Variants in NCALD observed in about 807,000 individuals in gnomAD.
The protein encoded by NCALD is neurocalcin-delta.
In NCALD, 10 loss-of-function variants were observed where a neutral mutation model predicts 18.6. That is an observed-to-expected ratio of 0.54 (90% CI 0.33 to 0.91). The LOEUF is 0.91. Among genes scored for constraint, NCALD ranks in the 40% least tolerant of loss-of-function variants. The pLI, the probability that NCALD is intolerant of heterozygous loss-of-function variation, is 0.03. For missense variants in NCALD, 184 were observed against 247.6 expected, an observed-to-expected ratio of 0.74 and a Z score of 1.72; for synonymous variants, 88 against 87.4, an observed-to-expected ratio of 1.01 and a Z score of -0.04.
At chr8:102,065,726 C>T (rs1823987864) in intron 1 of NCALD, among the ~76,000 whole-genome samples, 1 of 152,130 alleles carries the variant, frequency 6.6e-6, no homozygotes, top group African/African-American at 2.4e-5. Flanking sequence ...TACCTGTAAT[C>T]CCAGCACTTT....
At chr8:101,915,801 A>G (rs1817952139) in intron 3 of NCALD, 1 of 152,224 alleles carries the variant, frequency 6.6e-6, no homozygotes, top group South Asian at 2.1e-4. Flanking sequence ...TTTTAAATAT[A>G]CACTTACTTT....
At chr8:101,987,122 T>C (rs1461677656) in intron 2 of NCALD, among the ~76,000 whole-genome samples, 1 of 152,172 alleles carries the variant, frequency 6.6e-6, no homozygotes. Flanking sequence ...AGAGGATAAG[T>C]GATAAGCCCC....
At chr8:101,765,442 A>G (rs1309112801) in intron 1 of NCALD, among the ~76,000 whole-genome samples, 2 of 152,212 alleles carry the variant, frequency 1.3e-5, no homozygotes, top group Non-Finnish European at 2.9e-5. Flanking sequence ...AAACCCCGAC[A>G]TGTGCAAAAA....
intron 3 of NCALD, among the ~76,000 whole-genome samples, chr8:101,902,530 G>A (rs570963005): frequency 5.3e-5 from 8 of 152,270 alleles, no homozygotes; most frequent in Middle Eastern, 3.4e-3. Context: ...CCTCTACAGA[G>A]CAATGTGGCT....
chr8:101,704,017 G>A (rs1477513011), intron 2 of NCALD, among the ~76,000 whole-genome samples: 2 of 152,194 alleles, frequency 1.3e-5, no homozygotes, highest in Non-Finnish European at 2.9e-5. Context: ...AGAGCCTCAT[G>A]ATTTGTGGGG....
At chr8:101,942,805 G>T (rs1345186471) in intron 2 of NCALD, among the ~76,000 whole-genome samples, 1 of 152,190 alleles carries the variant, frequency 6.6e-6, no homozygotes, top group East Asian at 1.9e-4. Flanking sequence ...GTAGGTGGTT[G>T]AGCCAGCATT....
intron 1 of NCALD, among the ~76,000 whole-genome samples, chr8:102,066,935 TCCATTTG>T (rs1209234516): frequency 6.6e-6 from 1 of 152,202 alleles, no homozygotes; most frequent in Non-Finnish European, 1.5e-5. Flanking sequence ...TCTACCCATC[TCCATTTG>T]CCTCTGGACA....
Position 101,689,156 on chromosome 8 carries a change from G to T in NCALD, c.*153C>A, listed in dbSNP as rs1055849369. ...TTCCCACGAAGCATCCACGACAAAA[G>T]AAGCTGAAGGCGTCACGGAGGAAGG... On this transcript the variant is annotated 3_prime_UTR_variant, in exon 4 of 4. Coordinates refer to ENST00000220931, the MANE Select transcript of NCALD (RefSeq NM_032041.3). This position sits in a 1 kb window ranked among gnomAD's most constrained non-coding sequence, Gnocchi z 4.4. 6 of 743,912 alleles carry T rather than the reference G, an allele frequency of 8.1e-6. No individual in the cohort carries two copies. The highest frequency in any genetic ancestry group is 2.0e-5 in the Admixed American group (1 of 49,990). The allele number at this position is 743,912 out of a possible 1,614,324, so 46.1% of individuals were successfully genotyped here.
chr8:101,863,189 T>A (rs1287151730), intron 4 of NCALD, among the ~76,000 whole-genome samples: 5 of 152,198 alleles, frequency 3.3e-5, no homozygotes, highest in Non-Finnish European at 7.3e-5. Context: ...CTCTTTCATC[T>A]GGGAATCATT....
intron 2 of NCALD, among the ~76,000 whole-genome samples, chr8:102,004,511 C>T (rs1240625136): frequency 2.6e-5 from 4 of 152,102 alleles, no homozygotes; most frequent in Non-Finnish European, 5.9e-5. Flanking sequence ...ACTTTCTTCA[C>T]AGAATTGGAA....
chr8:101,811,929 A>C lies in NCALD; in HGVS notation c.-20+75212T>G, dbSNP rs371897530. ...TTATATCAGAGAACGTGCTAAACAC[A>C]AGCAAGAAAAGAAATCAAAGAACTG... On this transcript the variant is annotated intron_variant, in intron 4 of 6. Coordinates refer to the NCALD transcript ENST00000311028. Among the ~76,000 whole-genome samples the C allele has an allele frequency of 5.1e-4, 77 of 152,368 alleles. No individual in the cohort carries two copies. In the South Asian group the frequency reaches 0.016, roughly 31 times the overall value.
chr8:101,943,809 C>T (rs774022248), intron 2 of NCALD, among the ~76,000 whole-genome samples: 2 of 151,950 alleles, frequency 1.3e-5, no homozygotes, highest in South Asian at 4.2e-4. Context: ...GGCATGGTGG[C>T]GGGCTCCTGT....
intron 4 of NCALD, among the ~76,000 whole-genome samples, chr8:101,830,390 G>A (rs564279046): frequency 2.0e-5 from 3 of 152,024 alleles, no homozygotes; most frequent in Admixed American, 6.6e-5. Flanking sequence ...GTGAAACCCC[G>A]TCTGTATTAA....
At chr8:101,901,119 A>G (rs944261425) in intron 3 of NCALD, among the ~76,000 whole-genome samples, 3 of 151,398 alleles carry the variant, frequency 2.0e-5, no homozygotes. Context: ...GTCCTTGGTA[A>G]TTTTCTTTTC....
intron 2 of NCALD, among the ~76,000 whole-genome samples, chr8:101,982,824 G>C (rs1820672104): frequency 6.8e-6 from 1 of 146,730 alleles, no homozygotes; most frequent in African/African-American, 2.6e-5. Context: ...CTGGGCGACA[G>C]AGCGAGACCC....
intron 1 of NCALD, among the ~76,000 whole-genome samples, chr8:101,775,632 C>T (rs565628699): frequency 3.9e-5 from 6 of 152,234 alleles, no homozygotes; most frequent in Admixed American, 2.6e-4. Context: ...AACCAAGAGC[C>T]CTGGGGGATC....
intron 1 of NCALD, among the ~76,000 whole-genome samples, chr8:102,067,133 C>A (rs1368832288): frequency 6.6e-6 from 1 of 152,194 alleles, no homozygotes; most frequent in Non-Finnish European, 1.5e-5. Flanking sequence ...ATAGAGTCCC[C>A]CAAACCATTG....
intron 2 of NCALD, among the ~76,000 whole-genome samples, chr8:101,982,576 C>T (rs956026716): frequency 6.6e-6 from 1 of 152,204 alleles, no homozygotes; most frequent in Non-Finnish European, 1.5e-5. Context: ...CATGGTGGCT[C>T]ATGCCTGTAA....
chr8:101,692,741 C>T (rs1419783318), intron 3 of NCALD, 50 bp downstream of exon 3: 1 of 1,542,546 alleles, frequency 6.5e-7, no homozygotes, highest in Non-Finnish European at 9.0e-7. Context: ...ACTCTCCAGT[C>T]CTTCCAGCAG....
Sources: gnomAD v4.1 joint callset for allele counts (sites outside exome capture counted in the v4.1 genomes callset) on GRCh38, gnomAD v4.1.1 for gene constraint, Gnocchi (gnomAD v3.1) non-coding constraint, MANE v1.5 for transcripts, NCBI Gene and HGNC (gene_info 2026-07-23, HGNC 2026-07-21) for gene names.